MATN2: variants seen among roughly 807,000 people sequenced by gnomAD.
MATN2 encodes the protein matrilin-2.
In MATN2, 69 loss-of-function variants were observed where a neutral mutation model predicts 103.2. That is an observed-to-expected ratio of 0.67 (90% CI 0.55 to 0.82). The LOEUF (loss-of-function observed/expected upper bound fraction) is 0.82, where lower values mean the gene tolerates loss of function less well. MATN2 is among the 40% of genes least tolerant of loss of function. MATN2 has a pLI of 0.00. For missense variants in MATN2, 1,023 were observed against 1,211.5 expected (o/e 0.84, Z 2.31); for synonymous variants, 429 against 450.2 (o/e 0.95, Z 0.60).
intron 2 of MATN2, among the ~76,000 whole-genome samples, chr8:97,912,462 A>G (rs1809481410): frequency 6.6e-6 from 1 of 152,226 alleles, no homozygotes; most frequent in South Asian, 2.1e-4. Context: ...CGTTGGCTCA[A>G]TAGTTTTCCT....
intron 2 of MATN2, among the ~76,000 whole-genome samples, chr8:97,892,646 A>C (rs970175956): frequency 1.3e-5 from 2 of 152,204 alleles, no homozygotes; most frequent in African/African-American, 4.8e-5. Flanking sequence ...TACTACACCA[A>C]AACTTGACAA....
At chr8:97,889,783 T>C (rs1307435777) in intron 2 of MATN2, among the ~76,000 whole-genome samples, 3 of 151,822 alleles carry the variant, frequency 2.0e-5, no homozygotes, top group Admixed American at 1.3e-4. Context: ...AACTGCCCAG[T>C]TGGGTTTCTG....
intron 1 of MATN2, among the ~76,000 whole-genome samples, chr8:97,870,005 G>A (rs570715748): frequency 2.6e-5 from 4 of 152,228 alleles, no homozygotes; most frequent in African/African-American, 9.6e-5. Flanking sequence ...AAGCCACAAT[G>A]CATCTGCACC....
intron 5 of MATN2, among the ~76,000 whole-genome samples, chr8:97,974,619 A>G (rs559039912): frequency 6.9e-6 from 1 of 145,484 alleles, no homozygotes; most frequent in Non-Finnish European, 1.5e-5. Flanking sequence ...GCTACTTTTT[A>G]TATTTTTAGT....
At chr8:98,016,779 A>C in intron 11 of MATN2, 117 bp downstream of exon 11, 1 of 1,244,790 alleles carries the variant, frequency 8.0e-7, no homozygotes, top group South Asian at 1.3e-5. Context: ...AGCAAAATGT[A>C]ATGTAGTGTC....
At position 98,016,579 on chromosome 8, in the gene MATN2, AT is replaced by A; in HGVS notation, c.1615del (p.Ser539ArgfsTer3). On this transcript the variant is annotated frameshift_variant, in exon 11 of 19. Transcript: ENST00000254898. LOFTEE classifies it high-confidence loss of function. Reference protein sequence around the residue: ...SCALGDHGCEHSCVSSEDSFV... With the variant: ...SCALGDHGCEXSCVSSEDSFV... ...GCTCTGGGGGACCACGGTTGTGAAC[AT>A]TCGTGTGTAAGCAGTGAAGATTCGT... 2.5e-6 allele frequency: 4 copies of A among 1,611,532 alleles called. No homozygotes were observed. Among genetic ancestry groups the A allele is most frequent in the Middle Eastern group, 3.3e-4 (2 of 6,050 alleles).
intron 10 of MATN2, among the ~76,000 whole-genome samples, chr8:98,012,158 C>T (rs569453750): frequency 2.6e-5 from 4 of 152,212 alleles, no homozygotes; most frequent in East Asian, 1.9e-4. Flanking sequence ...CTTCCTTAAG[C>T]GCTTGGTTCC....
intron 12 of MATN2, among the ~76,000 whole-genome samples, chr8:98,020,713 C>CA (rs983475297): frequency 3.9e-4 from 60 of 152,186 alleles, no homozygotes; most frequent in South Asian, 6.2e-4. Context: ...ACAGCTGTGT[C>CA]ATCAACCTGC....
chr8:97,879,646 C>G lies in MATN2; in HGVS notation c.-26-8429C>G, dbSNP rs146735926. 8.1e-4 allele frequency among the ~76,000 whole-genome samples: 123 copies of G among 152,300 alleles called. 1 individual carries two copies. The Middle Eastern group carries it at 0.031, about 38-fold the overall frequency. On this transcript the variant is annotated intron_variant, in intron 1 of 18. Transcript: ENST00000254898. Reference sequence around the variant, plus strand: ...AAATGTGTTGAGGATACAGAGGACACGTGGAAGCTGGCTCCCAAATTTCTG... The same window carrying G: ...AAATGTGTTGAGGATACAGAGGACAGGTGGAAGCTGGCTCCCAAATTTCTG...
Position 97,941,774 on chromosome 8 carries a change from C to G in MATN2, c.713-3C>G. 2 of 1,584,094 alleles carry G rather than the reference C, an allele frequency of 1.3e-6. No homozygotes were observed. Among genetic ancestry groups the G allele is most frequent in the South Asian group, 2.3e-5 (2 of 86,904 alleles). On this transcript the variant is annotated splice_region_variant and splice_polypyrimidine_tract_variant and intron_variant, in intron 3 of 18. Transcript: ENST00000254898. ...ACTTACCTTCCTGTGTCTTCCCTTTCAGCGGCCCATATGTGCAGCACCCTG... is the reference window on the plus strand; with the variant it reads ...ACTTACCTTCCTGTGTCTTCCCTTTGAGCGGCCCATATGTGCAGCACCCTG...
At chr8:97,971,551 A>ATAAT (rs1229676124) in intron 5 of MATN2, among the ~76,000 whole-genome samples, 1 of 152,222 alleles carries the variant, frequency 6.6e-6, no homozygotes, top group Non-Finnish European at 1.5e-5. Flanking sequence ...TTTATAATTC[A>ATAAT]TCAGCTGCCA....
At chr8:97,874,723 CTT>C (rs879510033) in intron 1 of MATN2, among the ~76,000 whole-genome samples, 2 of 144,390 alleles carry the variant, frequency 1.4e-5, no homozygotes. Flanking sequence ...ACCTCTTCTA[CTT>C]TTTTTTTTTT....
At chr8:97,913,477 G>A (rs1809518420) in intron 2 of MATN2, among the ~76,000 whole-genome samples, 1 of 151,918 alleles carries the variant, frequency 6.6e-6, no homozygotes, top group Non-Finnish European at 1.5e-5. Flanking sequence ...ACCACACCCA[G>A]CTAAATTTTG....
rs1817808620 is a variant in MATN2 at position 97,869,216 on chromosome 8, G to A, written c.-98G>A. 1 of 152,228 alleles carries A rather than the reference G, an allele frequency of 6.6e-6. No individual in the cohort carries two copies. Among genetic ancestry groups the A allele is most frequent in the Non-Finnish European group, 1.5e-5 (1 of 68,046 alleles). The allele number at this position is 152,228 out of a possible 1,614,324, so 9.4% of individuals were successfully genotyped here. On this transcript the variant is annotated 5_prime_UTR_variant, in exon 1 of 19. Coordinates refer to ENST00000254898, the MANE Select transcript of MATN2 (RefSeq NM_002380.5). ...CGAGGAGAGCCGCGGCCCTCGGCGA[G>A]GCGAAGAGGCCGACGAGGAAGACCC...
At chr8:98,026,232 G>A (rs1182827141) in intron 13 of MATN2, among the ~76,000 whole-genome samples, 1 of 148,486 alleles carries the variant, frequency 6.7e-6, no homozygotes, top group Non-Finnish European at 1.5e-5. Context: ...AAGAATTTAT[G>A]GTGATAACTT....
Position 98,032,547 on chromosome 8 carries a change from T to G in MATN2, c.2581+230T>G, listed in dbSNP as rs144184570. On this transcript the variant is annotated intron_variant, in intron 16 of 18. Transcript: ENST00000254898. ...TGTTTTTGTTTTTGTTGTTGTTGTTTTTTTGAGACAGTTTCATTCTGTTGC... is the reference window on the plus strand; with the variant it reads ...TGTTTTTGTTTTTGTTGTTGTTGTTGTTTTGAGACAGTTTCATTCTGTTGC... Among the ~76,000 whole-genome samples the G allele has an allele frequency of 2.4e-3, 361 of 152,216 alleles. 12 individuals carry two copies. In the East Asian group the frequency reaches 0.053, roughly 23 times the overall value.
In MATN2 at chr8:97,909,441, T is replaced by G. The variant is rs1445678363; in HGVS notation, c.142+21199T>G. On this transcript the variant is annotated intron_variant, in intron 2 of 18. Transcript: ENST00000254898. ...CATTTTTTCTTTTGTTTTCTTTTTC[T>G]TTTCTTTTTCCCTGCTCCAGCTCAA... 2.6e-5 allele frequency among the ~76,000 whole-genome samples: 4 copies of G among 152,328 alleles called. No individual in the cohort carries two copies. In the East Asian group the frequency reaches 5.8e-4, roughly 22 times the overall value.
chr8:97,930,736 C>T (rs1432399536), intron 2 of MATN2, among the ~76,000 whole-genome samples: 1 of 152,150 alleles, frequency 6.6e-6, no homozygotes, highest in African/African-American at 2.4e-5. Flanking sequence ...GATTCTCCTA[C>T]CTCAGCCTCT....
chr8:97,929,257 C>T (rs1023159779), intron 2 of MATN2, among the ~76,000 whole-genome samples: 4 of 152,188 alleles, frequency 2.6e-5, no homozygotes, highest in Non-Finnish European at 4.4e-5. Flanking sequence ...ACTTCATGGG[C>T]CTTTCCCACT....
Sources: gnomAD v4.1 joint callset for allele counts (sites outside exome capture counted in the v4.1 genomes callset) on GRCh38, gnomAD v4.1.1 for gene constraint, MANE v1.5 for transcripts, NCBI Gene and HGNC (gene_info 2026-07-23, HGNC 2026-07-21) for gene names.